The following RUSC2 variants were observed in gnomAD, a reference collection of about 807,000 sequenced individuals.
RUSC2 encodes AP-4 complex accessory subunit RUSC2.
Under a neutral mutation model 122.2 loss-of-function variants are expected in RUSC2, and 34 were observed. The ratio of observed to expected loss-of-function variants is 0.28; its 90% confidence interval spans 0.21 to 0.37. The LOEUF is 0.37. Among genes scored for constraint, RUSC2 ranks in the 10% least tolerant of loss-of-function variants. RUSC2 has a pLI of 1.00. For missense variants in RUSC2, 1,747 were observed against 1,952.4 expected, an observed-to-expected ratio of 0.89 and a Z score of 1.98; for synonymous variants, 784 against 790.0, an observed-to-expected ratio of 0.99 and a Z score of 0.13.
rs199683038 is a variant in RUSC2, at chr9:35,555,619, C to T, written c.2574C>T (p.Gly858=). 99 of 1,612,874 alleles carry T rather than the reference C, an allele frequency of 6.1e-5. No individual in the cohort carries two copies. Among genetic ancestry groups the T allele is most frequent in the Admixed American group, 5.2e-4 (31 of 59,972 alleles). The part of the protein sequence containing the change: ...LHGTGSLPPL[G]SWRSGLSRAE... ...GAACAGGAAGCTTGCCGCCTCTGGG[C>T]TCCTGGCGATCTGGCCTCAGCCGAG... The change falls in exon 3 of 12, where the codon GGC becomes GGT. Residue 858 remains glycine (G), a synonymous_variant. Coordinates refer to ENST00000361226, the MANE Select transcript of RUSC2 (RefSeq NM_014806.5). The surrounding 1 kb of genome is among the most constrained non-coding windows in gnomAD (Gnocchi z 4.6).
intron 1 of RUSC2, among the ~76,000 whole-genome samples, chr9:35,522,088 T>C (rs1821227206): frequency 6.6e-6 from 1 of 152,234 alleles, no homozygotes; most frequent in Non-Finnish European, 1.5e-5. Context: ...CACAGAGAAG[T>C]ACTTGTCCTA....
rs1554644608 is a variant in RUSC2, at chr9:35,556,534, C to CTAAGTGCTGGCTGGGCCCTG, written c.2983+104_2983+105insTGTAAGTGCTGGCTGGGCCC. On this transcript the variant is annotated intron_variant, in intron 5 of 11. Coordinates refer to ENST00000361226, the MANE Select transcript of RUSC2 (RefSeq NM_014806.5). Reference sequence around the variant, plus strand: ...CTACTACCTAGCCAGTCTGAAACCTCTAAGTGCTGGCTGGGCCCAGTGGCT... The same window carrying CTAAGTGCTGGCTGGGCCCTG: ...CTACTACCTAGCCAGTCTGAAACCTCTAAGTGCTGGCTGGGCCCTGTAAGTGCTGGCTGGGCCCAGTGGCT... 5.2e-6 allele frequency: 8 copies of CTAAGTGCTGGCTGGGCCCTG among 1,526,148 alleles called. No homozygotes were observed. In the East Asian group the frequency reaches 9.1e-5, roughly 17 times the overall value. The allele number at this position is 1,526,148 out of a possible 1,614,324, so 94.5% of individuals were successfully genotyped here.
At chr9:35,542,320 A>T (rs921297714) in intron 1 of RUSC2, among the ~76,000 whole-genome samples, 4 of 152,254 alleles carry the variant, frequency 2.6e-5, no homozygotes, top group Non-Finnish European at 5.9e-5. Context: ...TACAGCTTTT[A>T]GAAGAAAACA....
At chr9:35,503,767 CTAT>C (rs1259788016) in intron 1 of RUSC2, among the ~76,000 whole-genome samples, 2 of 151,090 alleles carry the variant, frequency 1.3e-5, no homozygotes, top group East Asian at 1.9e-4. Flanking sequence ...GCAACAACAT[CTAT>C]TATTATTTTT....
chr9:35,531,751 C>G (rs1304389539), intron 1 of RUSC2, among the ~76,000 whole-genome samples: 2 of 152,234 alleles, frequency 1.3e-5, no homozygotes, highest in African/African-American at 4.8e-5. Flanking sequence ...TTGGGCTGGG[C>G]GTGGTGGTTC....
In RUSC2 at chr9:35,547,754, C is replaced by T; in HGVS notation, c.1233C>T (p.Ser411=). 1 of 1,614,190 alleles carries T rather than the reference C, an allele frequency of 6.2e-7. No homozygotes were observed. Among genetic ancestry groups the T allele is most frequent in the East Asian group, 2.2e-5 (1 of 44,886 alleles). ...TCDLSSQSSP[S]PAGSSITSCS... ...ACCTATCTTCCCAATCATCCCCAAG[C>T]CCTGCTGGCTCTTCCATCACTAGCT... The change falls in exon 2 of 12, where the codon AGC becomes AGT. Residue 411 remains serine, a synonymous_variant. Transcript: ENST00000361226. The surrounding 1 kb of genome is among the most constrained non-coding windows in gnomAD (Gnocchi z 4.6).
At position 35,561,011 on chromosome 9, in the gene RUSC2, G is replaced by T; in HGVS notation, c.4263G>T (p.Ala1421=). The T allele has an allele frequency of 1.4e-5, 23 of 1,614,188 alleles. No homozygotes were observed. The highest frequency in any genetic ancestry group is 1.9e-5 in the Non-Finnish European group (22 of 1,180,022). ...SLDKSMFQLV[A]QTVGSRREPE... ...ACAAGTCCATGTTCCAACTAGTGGC[G>T]CAGACAGTGGGTTCCCGCCGGGAGC... The change falls in exon 11 of 12, where the codon GCG becomes GCT. Residue 1421 remains alanine, a synonymous_variant. Coordinates refer to ENST00000361226, the MANE Select transcript of RUSC2 (RefSeq NM_014806.5).
intron 1 of RUSC2, among the ~76,000 whole-genome samples, chr9:35,500,920 G>A (rs1820808422): frequency 6.6e-6 from 1 of 152,164 alleles, no homozygotes; most frequent in Non-Finnish European, 1.5e-5. Context: ...AAGGAGGGCT[G>A]GAAGCAGGAT....
intron 1 of RUSC2, among the ~76,000 whole-genome samples, chr9:35,525,350 GT>G (rs1821304794): frequency 6.6e-6 from 1 of 152,206 alleles, no homozygotes. Context: ...GTCGAATGCA[GT>G]TCCACTCAAA....
chr9:35,530,248 G>A lies in RUSC2; in HGVS notation c.-92-16182G>A, dbSNP rs535719525. ...TTACAGGTGTGAGCCACCCTACCTG[G>A]CCAGCCATTCAGTAGCTTTATCAAA... On this transcript the variant is annotated intron_variant, in intron 1 of 11. Transcript: ENST00000361226. Among the ~76,000 whole-genome samples the A allele has an allele frequency of 7.9e-5, 12 of 152,212 alleles. No homozygotes were observed. In the South Asian group the frequency reaches 1.7e-3, roughly 21 times the overall value.
chr9:35,498,321 G>A (rs544676202), intron 1 of RUSC2, among the ~76,000 whole-genome samples: 18 of 151,906 alleles, frequency 1.2e-4, no homozygotes, highest in African/African-American at 4.3e-4. Context: ...GGCAGATCAC[G>A]TGAGATCAGG....
intron 1 of RUSC2, among the ~76,000 whole-genome samples, chr9:35,544,101 A>G (rs185124824): frequency 6.6e-6 from 1 of 152,174 alleles, no homozygotes; most frequent in Admixed American, 6.5e-5. Context: ...TCTTCATATC[A>G]TCATCAACAT....
chr9:35,495,268 TTA>T (rs1820685453), intron 1 of RUSC2, among the ~76,000 whole-genome samples: 1 of 109,756 alleles, frequency 9.1e-6, no homozygotes, highest in Non-Finnish European at 1.9e-5. Flanking sequence ...AATATATTTT[TTA>T]TATATTATAT....
At chr9:35,515,440 C>T (rs1051433868) in intron 1 of RUSC2, among the ~76,000 whole-genome samples, 2 of 151,052 alleles carry the variant, frequency 1.3e-5, no homozygotes, top group African/African-American at 4.9e-5. Flanking sequence ...CTAACATCAT[C>T]GATTGCTGCT....
At chr9:35,496,146 G>A (rs551536080) in intron 1 of RUSC2, among the ~76,000 whole-genome samples, 5 of 152,218 alleles carry the variant, frequency 3.3e-5, no homozygotes, top group African/African-American at 9.6e-5. Context: ...GACAGAGTCC[G>A]AACGAGAAGC....
At chr9:35,553,558 G>A (rs1392883328) in intron 2 of RUSC2, among the ~76,000 whole-genome samples, 1 of 152,196 alleles carries the variant, frequency 6.6e-6, no homozygotes, top group Non-Finnish European at 1.5e-5. Context: ...CTTGCCAGAG[G>A]GGCTGACGTA....
chr9:35,552,234 G>A (rs892978735), intron 2 of RUSC2, among the ~76,000 whole-genome samples: 1 of 152,082 alleles, frequency 6.6e-6, no homozygotes, highest in African/African-American at 2.4e-5. Context: ...GGTGGCGCAC[G>A]CCTGTAGTCC....
intron 1 of RUSC2, among the ~76,000 whole-genome samples, chr9:35,536,365 G>A (rs1304023839): frequency 6.6e-6 from 1 of 152,238 alleles, no homozygotes; most frequent in Non-Finnish European, 1.5e-5. Flanking sequence ...TGATGGAGGA[G>A]TTGCTCTGGG....
Position 35,556,092 on chromosome 9 carries a change from C to A in RUSC2, c.2797C>A (p.Pro933Thr). 4 of 1,614,194 alleles carry A rather than the reference C, an allele frequency of 2.5e-6. No individual in the cohort carries two copies. Among genetic ancestry groups the A allele is most frequent in the Non-Finnish European group, 3.4e-6 (4 of 1,180,030 alleles). Residue 933 changes from proline (P) to threonine (T), a missense_variant, in exon 4 of 12, where the codon CCT becomes ACT. Coordinates refer to ENST00000361226, the MANE Select transcript of RUSC2 (RefSeq NM_014806.5). ...CCGAAGAAACCCTATCTTTGAGTTC[C>A]CTGGCTCCCTCAGTGCTGCCAGCCA... ...LARRNPIFEF[P>T]GSLSAASHLN...
Sources: allele counts gnomAD v4.1 joint callset (sites outside exome capture counted in the v4.1 genomes callset), GRCh38; gene constraint gnomAD v4.1.1; non-coding constraint Gnocchi (gnomAD v3.1); transcripts MANE v1.5; gene names NCBI Gene and HGNC (gene_info 2026-07-23, HGNC 2026-07-21).